LIN54: variants seen among roughly 807,000 people sequenced by gnomAD.
The protein encoded by LIN54 is lin-54 DREAM MuvB core complex component.
In LIN54, 9 loss-of-function variants were observed where a neutral mutation model predicts 78.7. The observed-to-expected ratio is 0.11, with a 90% CI of 0.07 to 0.20. The LOEUF is 0.20. LIN54 is among the 10% of genes least tolerant of loss of function. The probability of loss-of-function intolerance (pLI) is 1.00; values close to 1 mark genes in which losing one functional copy is unlikely to be tolerated. For synonymous variants in LIN54, 269 were observed against 318.4 expected (o/e 0.84, Z 1.65); for missense variants, 573 against 889.9 (o/e 0.64, Z 4.53).
upstream of LIN54, chr4:83,010,973 C>T (rs1729825339): frequency 3.2e-6 from 2 of 621,780 alleles, no homozygotes; most frequent in South Asian, 1.6e-4. Flanking sequence ...ACCTTTCACC[C>T]CCGGGCGGAG....
At chr4:82,929,772 C>T (rs1301727744) in intron 12 of LIN54, among the ~76,000 whole-genome samples, 1 of 152,072 alleles carries the variant, frequency 6.6e-6, no homozygotes, top group Non-Finnish European at 1.5e-5. Context: ...TGACACTGCA[C>T]ACCAGCCTGG....
intron 1 of LIN54, among the ~76,000 whole-genome samples, chr4:82,992,552 T>C (rs776718867): frequency 6.6e-6 from 1 of 152,116 alleles, no homozygotes; most frequent in South Asian, 2.1e-4. Flanking sequence ...TAGGGCCTGC[T>C]TGTAGTCCTA....
At chr4:82,939,990 C>G (rs1308178879) in intron 5 of LIN54, 28 bp from the exon 6 acceptor site, 1 of 1,501,450 alleles carries the variant, frequency 6.7e-7, no homozygotes, top group South Asian at 1.2e-5. Flanking sequence ...GAAGGATGAA[C>G]AAGTTATTTA....
intron 4 of LIN54, among the ~76,000 whole-genome samples, chr4:82,960,869 TG>T (rs1199163010): frequency 6.6e-6 from 1 of 152,064 alleles, no homozygotes; most frequent in Non-Finnish European, 1.5e-5. Context: ...AAGACCAGCG[TG>T]GGCAACATGG....
chr4:83,003,420 T>A (rs1439435287), intron 1 of LIN54: 1 of 152,000 alleles, frequency 6.6e-6, no homozygotes, highest in Non-Finnish European at 1.5e-5. Flanking sequence ...AAGCCATGAG[T>A]TCTGATGAAG....
chr4:83,007,881 T>C (rs2126117140), intron 1 of LIN54, among the ~76,000 whole-genome samples: 1 of 151,652 alleles, frequency 6.6e-6, no homozygotes, highest in South Asian at 2.1e-4. Flanking sequence ...TGAGAACCCA[T>C]CTCATTTAAA....
intron 4 of LIN54, among the ~76,000 whole-genome samples, chr4:82,959,427 T>G (rs546422129): frequency 2.6e-5 from 4 of 152,124 alleles, no homozygotes; most frequent in African/African-American, 9.6e-5. Context: ...TCCAGGAGTC[T>G]GAGGCTATAA....
chr4:83,001,866 G>GAAA (rs1319613340), intron 1 of LIN54, among the ~76,000 whole-genome samples: 7,728 of 8,474 alleles, frequency 0.91, 3,611 homozygotes, highest in Non-Finnish European at 0.95. Context: ...AAAAAGGATA[G>GAAA]GAAGGAAGGA....
chr4:82,943,404 C>T (rs189155331), intron 5 of LIN54, among the ~76,000 whole-genome samples: 17 of 152,196 alleles, frequency 1.1e-4, no homozygotes, highest in Admixed American at 5.9e-4. Flanking sequence ...GTGCAACTTT[C>T]GGGGGAAAAT....
At chr4:82,943,895 G>A (rs1022565613) in intron 5 of LIN54, among the ~76,000 whole-genome samples, 1 of 140,800 alleles carries the variant, frequency 7.1e-6, no homozygotes, top group Non-Finnish European at 1.5e-5. Flanking sequence ...TTGAGACAGA[G>A]TCTCACTCTG....
At chr4:82,990,604 C>T (rs1160961035) in intron 1 of LIN54, among the ~76,000 whole-genome samples, 7 of 152,090 alleles carry the variant, frequency 4.6e-5, no homozygotes, top group Admixed American at 4.6e-4. Flanking sequence ...CTGCCTCAGC[C>T]TCCTGAGTAG....
intron 1 of LIN54, among the ~76,000 whole-genome samples, chr4:83,005,066 T>C (rs2126113847): frequency 6.6e-6 from 1 of 152,132 alleles, no homozygotes; most frequent in Middle Eastern, 3.5e-3. Flanking sequence ...GGTTCATGTT[T>C]GTATTTTTTA....
rs572755288 is a variant in LIN54 at position 83,007,249 on chromosome 4, G to T, written c.-33+3235C>A. Among the ~76,000 whole-genome samples the T allele has an allele frequency of 1.8e-4, 28 of 152,046 alleles. 1 individual carries two copies. In the South Asian group the frequency reaches 5.8e-3, roughly 32 times the overall value. On this transcript the variant is annotated intron_variant, in intron 1 of 12. Coordinates refer to ENST00000340417, the MANE Select transcript of LIN54 (RefSeq NM_194282.4). ...TTTATTCACATACTCAATGAATAGG[G>T]TTATGTACCAAGGGATAGGCATTGT...
At chr4:82,973,937 A>G (rs995562451) in intron 3 of LIN54, among the ~76,000 whole-genome samples, 4 of 152,196 alleles carry the variant, frequency 2.6e-5, no homozygotes, top group Non-Finnish European at 5.9e-5. Flanking sequence ...GGAGCAGGGC[A>G]CAGTGGCTCA....
At chr4:82,955,477 G>C (rs983774690) in intron 4 of LIN54, among the ~76,000 whole-genome samples, 1 of 151,584 alleles carries the variant, frequency 6.6e-6, no homozygotes, top group Admixed American at 6.6e-5. Context: ...CATGGTAAAA[G>C]GCAACAAGAA....
intron 4 of LIN54, among the ~76,000 whole-genome samples, chr4:82,958,139 AAG>A (rs1338345584): frequency 2.0e-5 from 3 of 152,342 alleles, no homozygotes; most frequent in South Asian, 4.1e-4. Flanking sequence ...TACGAAATGG[AAG>A]AGTGTCTCTT....
At chr4:82,933,498 A>T (rs1273363442) in intron 11 of LIN54, among the ~76,000 whole-genome samples, 1 of 152,176 alleles carries the variant, frequency 6.6e-6, no homozygotes, top group East Asian at 1.9e-4. Flanking sequence ...GGACACATGA[A>T]TGTGTTGTCC....
Position 82,984,168 on chromosome 4 carries a change from G to C in LIN54, c.677C>G (p.Thr226Arg). ...CCCCCTTTTTTCTTTTACCTGTACT[G>C]TTTTTAACTGTTGGGTCTGTAACAC... ...PSVLQTQQLK[T>R]VQIAKKPRTP... Residue 226 changes from threonine (T) to arginine (R), a missense_variant, in exon 2 of 13, where the codon ACA becomes AGA. Physicochemically the swap from Thr to Arg is moderately conservative, Grantham distance 71. Coordinates refer to ENST00000340417, the MANE Select transcript of LIN54 (RefSeq NM_194282.4). 1.2e-6 allele frequency: 2 copies of C among 1,605,812 alleles called. No homozygotes were observed. The highest frequency in any genetic ancestry group is 1.7e-6 in the Non-Finnish European group (2 of 1,176,734).
intron 3 of LIN54, among the ~76,000 whole-genome samples, chr4:82,976,666 C>G (rs779212313): frequency 1.3e-5 from 2 of 152,094 alleles, no homozygotes; most frequent in African/African-American, 4.8e-5. Context: ...CAAGATAGCA[C>G]CACTGCACTC....
Sources: gnomAD v4.1 joint callset for allele counts (sites outside exome capture counted in the v4.1 genomes callset) on GRCh38, gnomAD v4.1.1 for gene constraint, MANE v1.5 for transcripts, NCBI Gene and HGNC (gene_info 2026-07-23, HGNC 2026-07-21) for gene names.